PCDH15: variants seen among roughly 807,000 people sequenced by gnomAD.
PCDH15 encodes the protein protocadherin related 15.
A neutral mutation model predicts 178.5 loss-of-function variants in PCDH15; 129 were observed. The observed-to-expected ratio is 0.72, with a 90% CI of 0.63 to 0.84. The LOEUF (loss-of-function observed/expected upper bound fraction) is 0.84. PCDH15 is among the 40% of genes least tolerant of loss of function. PCDH15 has a pLI of 0.00. For missense variants in PCDH15, 2,230 were observed against 2,099.9 expected, an observed-to-expected ratio of 1.06 and a Z score of -1.21; for synonymous variants, 800 against 732.0, an observed-to-expected ratio of 1.09 and a Z score of -1.50.
intron 3 of PCDH15, among the ~76,000 whole-genome samples, chr10:54,457,241 C>T (rs913718046): frequency 2.0e-5 from 3 of 151,810 alleles, no homozygotes; most frequent in African/African-American, 4.8e-5. Context: ...ATCAAAGTGA[C>T]AAAAAAACGA....
At chr10:55,196,981 T>C (rs1330227007) in intron 1 of PCDH15, among the ~76,000 whole-genome samples, 1 of 152,012 alleles carries the variant, frequency 6.6e-6, no homozygotes, top group African/African-American at 2.4e-5. Context: ...TCCTATTGTA[T>C]ATCTTTGTAT....
chr10:54,864,488 T>C (rs565347655), intron 3 of PCDH15, among the ~76,000 whole-genome samples: 2 of 152,334 alleles, frequency 1.3e-5, no homozygotes, highest in Admixed American at 6.5e-5. Context: ...GGGAAACTTA[T>C]ATCAAGGATA....
At chr10:54,444,237 T>C (rs941069165) in intron 3 of PCDH15, among the ~76,000 whole-genome samples, 1 of 151,652 alleles carries the variant, frequency 6.6e-6, no homozygotes, top group African/African-American at 2.4e-5. Flanking sequence ...AGAGTTTGCT[T>C]CACATCATAA....
chr10:54,758,998 A>G (rs1012971208), intron 1 of PCDH15, among the ~76,000 whole-genome samples: 2 of 151,820 alleles, frequency 1.3e-5, no homozygotes, highest in Non-Finnish European at 2.9e-5. Flanking sequence ...TCTTATCTCT[A>G]TGGCATGTGA....
intron 6 of PCDH15, among the ~76,000 whole-genome samples, chr10:54,332,824 T>C (rs11004242): frequency 0.26 from 39,373 of 152,104 alleles, 6,375 homozygotes; most frequent in Middle Eastern, 0.38. Flanking sequence ...TAGTTATTAG[T>C]GACTTTATTG....
chr10:54,919,982 A>C (rs1017318785), intron 2 of PCDH15, among the ~76,000 whole-genome samples: 2 of 152,104 alleles, frequency 1.3e-5, no homozygotes, highest in African/African-American at 4.8e-5. Context: ...CCTAAGTGGA[A>C]CTGTAGCCCT....
chr10:54,986,514 G>C (rs1839369048), intron 2 of PCDH15, among the ~76,000 whole-genome samples: 2 of 152,052 alleles, frequency 1.3e-5, no homozygotes, highest in African/African-American at 2.4e-5. Context: ...GCAGGAGTGA[G>C]AGAGTCAGTT....
chr10:55,585,637 A>G (rs1445712649), intron 2 of PCDH15, among the ~76,000 whole-genome samples: 1 of 152,016 alleles, frequency 6.6e-6, no homozygotes, highest in Middle Eastern at 3.2e-3. Flanking sequence ...GATGGCGCCA[A>G]TGCACTCCAG....
intron 2 of PCDH15, among the ~76,000 whole-genome samples, chr10:55,538,166 T>C (rs1294933296): frequency 6.6e-6 from 1 of 152,156 alleles, no homozygotes; most frequent in Non-Finnish European, 1.5e-5. Context: ...TTACCTTGTA[T>C]CCTAGGATTC....
intron 1 of PCDH15, among the ~76,000 whole-genome samples, chr10:55,273,245 T>A (rs1366436487): frequency 1.3e-5 from 2 of 151,882 alleles, no homozygotes; most frequent in South Asian, 2.1e-4. Context: ...TACACAAGAG[T>A]AAGTGGTTGA....
intron 9 of PCDH15, among the ~76,000 whole-genome samples, chr10:54,222,480 G>T (rs2052949891): frequency 6.6e-6 from 1 of 152,190 alleles, no homozygotes; most frequent in Non-Finnish European, 1.5e-5. Flanking sequence ...TAAAGCATTA[G>T]AGATTCCTCC....
At chr10:55,076,983 G>T (rs114068666) in intron 2 of PCDH15, among the ~76,000 whole-genome samples, 2,145 of 151,432 alleles carry the variant, frequency 0.014, 54 homozygotes, top group African/African-American at 0.049. Flanking sequence ...TGATCAGGCT[G>T]GTCTCAAATT....
At chr10:53,971,933 A>C (rs954718953) in intron 21 of PCDH15, among the ~76,000 whole-genome samples, 8 of 148,128 alleles carry the variant, frequency 5.4e-5, no homozygotes, top group Non-Finnish European at 1.2e-4. Flanking sequence ...AATTGGAAAA[A>C]ACTACTTTAA....
At chr10:54,292,022 A>G (rs2059446740) in intron 8 of PCDH15, among the ~76,000 whole-genome samples, 1 of 152,196 alleles carries the variant, frequency 6.6e-6, no homozygotes, top group Non-Finnish European at 1.5e-5. Flanking sequence ...CAACAAAAAC[A>G]GAGAATTTTA....
chr10:53,808,330 G>GTGTATATATATATATA (rs1554815344), intron 37 of PCDH15: 1 of 201,310 alleles, frequency 5.0e-6, no homozygotes, highest in African/African-American at 2.6e-5. Context: ...GTGTGTGTGT[G>GTGTATATATATATATA]TATATATATA....
At chr10:54,457,378 A>T (rs1035213549) in intron 3 of PCDH15, among the ~76,000 whole-genome samples, 1 of 152,202 alleles carries the variant, frequency 6.6e-6, no homozygotes, top group Non-Finnish European at 1.5e-5. Context: ...CAAAGACTTT[A>T]ACAATGTCCT....
intron 25 of PCDH15, among the ~76,000 whole-genome samples, chr10:53,909,768 C>G (rs560720057): frequency 1.3e-5 from 2 of 152,306 alleles, no homozygotes; most frequent in South Asian, 4.1e-4. Context: ...GAAGTCATGA[C>G]AGATTGTATC....
chr10:54,144,303 C>T (rs2043692733), intron 14 of PCDH15, among the ~76,000 whole-genome samples: 2 of 152,152 alleles, frequency 1.3e-5, no homozygotes, highest in Non-Finnish European at 2.9e-5. Context: ...TCCCATAGAT[C>T]ACTTTTTCGA....
chr10:54,448,453 G>A (rs2076273902), intron 3 of PCDH15, among the ~76,000 whole-genome samples: 2 of 151,508 alleles, frequency 1.3e-5, no homozygotes, highest in Admixed American at 6.6e-5. Flanking sequence ...GTATTCAAAT[G>A]TTCCATTTTT....
Sources: gnomAD v4.1 joint callset for allele counts (sites outside exome capture counted in the v4.1 genomes callset) on GRCh38, gnomAD v4.1.1 for gene constraint, MANE v1.5 for transcripts, NCBI Gene and HGNC (gene_info 2026-07-23, HGNC 2026-07-21) for gene names.